Variants in SACM1L observed in about 807,000 individuals in gnomAD.
SACM1L encodes the protein phosphatidylinositol-3-phosphatase SAC1.
In SACM1L, 32 loss-of-function variants were observed where a neutral mutation model predicts 89.5. The ratio of observed to expected loss-of-function variants is 0.36; its 90% CI spans 0.27 to 0.48. The LOEUF is 0.48. Ranked by LOEUF, SACM1L falls within the 20% of genes least tolerant of loss-of-function variation. The probability of loss-of-function intolerance (pLI) is 0.99; values close to 1 mark genes in which losing one functional copy is unlikely to be tolerated. For synonymous variants in SACM1L, 213 were observed against 232.8 expected (o/e 0.92, Z 0.77); for missense variants, 543 against 708.5 (o/e 0.77, Z 2.65).
chr3:45,731,385 C>A lies in SACM1L; in HGVS notation c.1001+5C>A. The A allele has an allele frequency of 6.2e-7, 1 of 1,601,860 alleles. No individual in the cohort carries two copies. The highest frequency in any genetic ancestry group is 8.5e-7 in the Non-Finnish European group (1 of 1,169,648). On this transcript the variant is annotated splice_donor_5th_base_variant and intron_variant, in intron 12 of 19. Coordinates refer to ENST00000389061, the MANE Select transcript of SACM1L (RefSeq NM_014016.5). ...CTTGGGAAGTGGAATGATGAGGTAC[C>A]TCACTAGAAATCTGTTGCAGGTCTT...
At chr3:45,707,228 C>T (rs1698419856) in intron 4 of SACM1L, 2 of 199,842 alleles carry the variant, frequency 1.0e-5, no homozygotes, top group Non-Finnish European at 2.0e-5. Context: ...ATATAAATAC[C>T]TTTGAAGTTC....
At chr3:45,720,353 G>A (rs532789607) in intron 8 of SACM1L, among the ~76,000 whole-genome samples, 1 of 152,192 alleles carries the variant, frequency 6.6e-6, no homozygotes, top group Non-Finnish European at 1.5e-5. Context: ...AACAGGTAGT[G>A]CATTTACATA....
Position 45,721,248 on chromosome 3 carries a change from G to A in SACM1L, c.680-752G>A, listed in dbSNP as rs1478558358. On this transcript the variant is annotated intron_variant, in intron 8 of 19. Transcript: ENST00000389061. ...ATAAACTAGCCTATATTCACCGGGTGCGGTGGCTCACGCCTATAATCCCAG... is the reference window on the plus strand; with the variant it reads ...ATAAACTAGCCTATATTCACCGGGTACGGTGGCTCACGCCTATAATCCCAG... Among the ~76,000 whole-genome samples the A allele has an allele frequency of 4.6e-5, 7 of 152,240 alleles. 1 individual carries two copies.
chr3:45,721,246 G>C (rs1698780587), intron 8 of SACM1L, among the ~76,000 whole-genome samples: 1 of 152,226 alleles, frequency 6.6e-6, no homozygotes, highest in African/African-American at 2.4e-5. Flanking sequence ...TATTCACCGG[G>C]TGCGGTGGCT....
Position 45,732,122 on chromosome 3 carries a change from T to A in SACM1L, c.1071T>A (p.Asp357Glu). 4 of 1,605,736 alleles carry A rather than the reference T, an allele frequency of 2.5e-6. No homozygotes were observed. Among genetic ancestry groups the A allele is most frequent in the Non-Finnish European group, 3.4e-6 (4 of 1,176,816 alleles). The stretch of plus-strand genomic sequence containing the variant: ...GGGATCGACTAAGTATTTTATTGGA[T>A]CAGGTAGCAGAAATGCAAGATGAAT... ...MRWDRLSILL[D>E]QVAEMQDELS... The change falls in exon 13 of 20, where the codon GAT becomes GAA. Residue 357 changes from aspartate to glutamate, a missense_variant. This residue lies in a region of SACM1L where 370 missense variants were observed against 527.6 expected (regional missense o/e 0.70). Coordinates refer to ENST00000389061, the MANE Select transcript of SACM1L (RefSeq NM_014016.5).
At chr3:45,696,332 T>C (rs1698127595) in intron 1 of SACM1L, among the ~76,000 whole-genome samples, 1 of 152,190 alleles carries the variant, frequency 6.6e-6, no homozygotes, top group African/African-American at 2.4e-5. Context: ...AATATTCCAT[T>C]ATATGTATGT....
At chr3:45,712,996 G>A (rs1031668553) in intron 5 of SACM1L, 141 bp from the exon 6 acceptor site, 4 of 603,474 alleles carry the variant, frequency 6.6e-6, no homozygotes, top group African/African-American at 5.7e-5. Context: ...ACAGATTTGC[G>A]GGGGAGATGT....
At chr3:45,734,113 ATTTTTT>A (rs377501431) in intron 13 of SACM1L, among the ~76,000 whole-genome samples, 1 of 132,114 alleles carries the variant, frequency 7.6e-6, no homozygotes, top group East Asian at 2.1e-4. Flanking sequence ...CCATTTAAGA[ATTTTTT>A]TTTTTTTTTT....
intron 14 of SACM1L, 103 bp from the exon 15 acceptor site, chr3:45,737,480 C>A: frequency 1.8e-6 from 2 of 1,138,114 alleles, no homozygotes; most frequent in Non-Finnish European, 2.6e-6. Context: ...CTGCATCCAG[C>A]AACCAGGCAC....
chr3:45,691,083 TAAAAGAG>T (rs1287847817), intron 1 of SACM1L, among the ~76,000 whole-genome samples: 2 of 152,316 alleles, frequency 1.3e-5, no homozygotes, highest in Non-Finnish European at 2.9e-5. Flanking sequence ...CTCGCATACA[TAAAAGAG>T]AAAGGAAATT....
chr3:45,739,468 A>C, intron 18 of SACM1L, 119 bp from the exon 19 acceptor site: 1 of 858,436 alleles, frequency 1.2e-6, no homozygotes, highest in Non-Finnish European at 2.0e-6. Flanking sequence ...AAAAGATATT[A>C]GCTGTGTATT....
At chr3:45,732,025 G>A (rs144688745) in intron 12 of SACM1L, 28 bp from the exon 13 acceptor site, 47 of 1,312,618 alleles carry the variant, frequency 3.6e-5, no homozygotes, top group South Asian at 1.7e-4. Context: ...ATCTCTGGTC[G>A]GTTTCTGAAT....
chr3:45,709,714 T>A (rs1013040450), intron 5 of SACM1L, 67 bp downstream of exon 5: 1 of 1,366,572 alleles, frequency 7.3e-7, no homozygotes, highest in Admixed American at 2.3e-5. Flanking sequence ...GTTTCATGCA[T>A]AAAAATTTAT....
At chr3:45,739,919 A>C (rs1014932991) in intron 19 of SACM1L, 16 of 467,886 alleles carry the variant, frequency 3.4e-5, no homozygotes, top group Non-Finnish European at 5.8e-5. Context: ...CAGTCAGTTT[A>C]GAGGCTTAAT....
intron 6 of SACM1L, 137 bp from the exon 7 acceptor site, chr3:45,713,909 A>C: frequency 2.6e-6 from 1 of 392,036 alleles, no homozygotes; most frequent in Non-Finnish European, 4.5e-6. Context: ...CATTAGAGAA[A>C]TCTTTTAAAA....
intron 12 of SACM1L, among the ~76,000 whole-genome samples, chr3:45,731,664 C>G (rs1413263875): frequency 6.6e-6 from 1 of 152,138 alleles, no homozygotes; most frequent in Non-Finnish European, 1.5e-5. Flanking sequence ...CTAGAATTGC[C>G]TTAAGGAATT....
Position 45,714,085 on chromosome 3 carries a change from CT to C in SACM1L, c.577+8del. On this transcript the variant is annotated splice_region_variant and intron_variant, in intron 7 of 19. Coordinates refer to ENST00000389061, the MANE Select transcript of SACM1L (RefSeq NM_014016.5). Reference sequence around the variant, plus strand: ...CCTTCCAGTGTTACATGGCTGTATCCTTACATGATATTACTCTTTAGTTTCT... The same window carrying C: ...CCTTCCAGTGTTACATGGCTGTATCCTACATGATATTACTCTTTAGTTTCT... 1 of 1,530,342 alleles carries C rather than the reference CT, an allele frequency of 6.5e-7. No individual in the cohort carries two copies. The highest frequency in any genetic ancestry group is 1.3e-5 in the South Asian group (1 of 77,394). 94.8% of individuals were successfully genotyped at this position (1,530,342 alleles called of 1,614,324 possible).
At chr3:45,716,569 G>A (rs188650924) in intron 7 of SACM1L, among the ~76,000 whole-genome samples, 7 of 152,244 alleles carry the variant, frequency 4.6e-5, no homozygotes, top group East Asian at 1.9e-4. Context: ...TAGAGGGCCT[G>A]GTGTGGGCTG....
rs370640091 is a variant in SACM1L at position 45,721,997 on chromosome 3, T to C, written c.680-3T>C. On this transcript the variant is annotated splice_polypyrimidine_tract_variant and splice_region_variant and intron_variant, in intron 8 of 19. Coordinates refer to ENST00000389061, the MANE Select transcript of SACM1L (RefSeq NM_014016.5). ...GTTAATTCTTAATTTTTTTTCTATT[T>C]AGGAATTGATTCGGAAGGCCATGCA... The C allele has an allele frequency of 4.8e-5, 77 of 1,602,298 alleles. No homozygotes were observed. Among genetic ancestry groups the C allele is most frequent in the Non-Finnish European group, 6.6e-5 (77 of 1,170,342 alleles).
Sources: gnomAD v4.1 joint callset for allele counts (sites outside exome capture counted in the v4.1 genomes callset) on GRCh38, gnomAD v4.1.1 for gene constraint, gnomAD v4.1.1 regional missense constraint, MANE v1.5 for transcripts, NCBI Gene and HGNC (gene_info 2026-07-23, HGNC 2026-07-21) for gene names.